DLGAP2: variants seen among roughly 807,000 people sequenced by gnomAD.
DLGAP2 encodes the protein DLG associated protein 2.
In DLGAP2, 26 loss-of-function variants were observed where a neutral mutation model predicts 100.3. The observed-to-expected ratio is 0.26, with a 90% confidence interval of 0.19 to 0.36. The LOEUF (loss-of-function observed/expected upper bound fraction) is 0.36. DLGAP2 is among the 10% of genes least tolerant of loss of function. The probability of loss-of-function intolerance (pLI) is 1.00; values close to 1 mark genes in which losing one functional copy is unlikely to be tolerated. For missense variants in DLGAP2, 1,858 were observed against 1,453.2 expected (o/e 1.28, Z -4.53); for synonymous variants, 886 against 630.1 (o/e 1.41, Z -6.08).
At chr8:946,431 T>G (rs1799324187) in intron 2 of DLGAP2, among the ~76,000 whole-genome samples, 1 of 152,132 alleles carries the variant, frequency 6.6e-6, no homozygotes, top group African/African-American at 2.4e-5. Flanking sequence ...GCCCGGCTAA[T>G]TTTTTGTAGT....
chr8:1,627,663 TTAGTGTGGAG>T (rs1797539228), intron 7 of DLGAP2, among the ~76,000 whole-genome samples: 1 of 152,262 alleles, frequency 6.6e-6, no homozygotes, highest in Non-Finnish European at 1.5e-5. Context: ...ACATTTTCTC[TTAGTGTGGAG>T]TAGGGATTAA....
chr8:1,072,787 G>A (rs113488113), intron 2 of DLGAP2, among the ~76,000 whole-genome samples: 18 of 152,318 alleles, frequency 1.2e-4, no homozygotes, highest in African/African-American at 4.1e-4. Context: ...TTTAGCCAGC[G>A]TTTGTTAGGC....
intron 3 of DLGAP2, among the ~76,000 whole-genome samples, chr8:1,441,456 G>A (rs530529773): frequency 7.9e-5 from 12 of 152,176 alleles, no homozygotes; most frequent in Non-Finnish European, 5.9e-5. Context: ...TTGGGAGGCC[G>A]AGGTGGGCAG....
chr8:1,633,145 G>C, intron 8 of DLGAP2, 99 bp downstream of exon 8: 1 of 1,137,226 alleles, frequency 8.8e-7, no homozygotes, highest in Non-Finnish European at 1.3e-6. Flanking sequence ...ACAGTACAAT[G>C]TACTCTCCTG....
At chr8:1,311,857 C>T (rs1371149750) in intron 3 of DLGAP2, among the ~76,000 whole-genome samples, 1 of 152,182 alleles carries the variant, frequency 6.6e-6, no homozygotes, top group African/African-American at 2.4e-5. Context: ...CACAGCAATC[C>T]TTAATGTATA....
At chr8:1,621,792 C>G (rs1027221422) in intron 6 of DLGAP2, 4 of 152,278 alleles carry the variant, frequency 2.6e-5, no homozygotes, top group Middle Eastern at 3.1e-3. Flanking sequence ...CCTCTGCGGT[C>G]AAGGGTATGG....
intron 8 of DLGAP2, among the ~76,000 whole-genome samples, chr8:1,651,229 C>A (rs779285899): frequency 6.6e-6 from 1 of 152,242 alleles, no homozygotes; most frequent in Non-Finnish European, 1.5e-5. Flanking sequence ...AAGAGCCACA[C>A]ACATATGTGG....
intron 8 of DLGAP2, among the ~76,000 whole-genome samples, chr8:1,664,565 C>G (rs902549867): frequency 1.3e-5 from 2 of 152,166 alleles, no homozygotes; most frequent in African/African-American, 2.4e-5. Context: ...TGAAGCTTGC[C>G]AGGCACTTTA....
chr8:1,655,846 G>C (rs1392568268), intron 8 of DLGAP2, among the ~76,000 whole-genome samples: 8 of 152,210 alleles, frequency 5.3e-5, no homozygotes, highest in Admixed American at 4.6e-4. Context: ...TCCAGACATG[G>C]CCTCTTCATG....
At chr8:981,048 G>A (rs984016728) in intron 2 of DLGAP2, among the ~76,000 whole-genome samples, 3 of 152,114 alleles carry the variant, frequency 2.0e-5, no homozygotes, top group Admixed American at 1.3e-4. Flanking sequence ...AGGCCACATA[G>A]AAACTCTATC....
At position 1,030,456 on chromosome 8, in the gene DLGAP2, A is replaced by G. The variant is rs185174631; in HGVS notation, c.73+122490A>G. Among the ~76,000 whole-genome samples, 67 of 152,306 alleles carry G rather than the reference A, an allele frequency of 4.4e-4. No homozygotes were observed. In the East Asian group the frequency reaches 0.012, roughly 28 times the overall value. ...TCCAAAGGTGCCTGGGCTGAAATGG[A>G]TGTGCAATGTGGGGTGCAAAGGTGC... On this transcript the variant is annotated intron_variant, in intron 2 of 14. Coordinates refer to ENST00000637795, the MANE Select transcript of DLGAP2 (RefSeq NM_001346810.2).
chr8:757,391 A>T (rs1328920463), intron 1 of DLGAP2, among the ~76,000 whole-genome samples: 1 of 152,192 alleles, frequency 6.6e-6, no homozygotes, highest in Non-Finnish European at 1.5e-5. Flanking sequence ...GGTTTCCTTC[A>T]TGTGTCGGCC....
At chr8:789,835 G>A (rs186003401) in intron 1 of DLGAP2, among the ~76,000 whole-genome samples, 1 of 152,214 alleles carries the variant, frequency 6.6e-6, no homozygotes, top group Non-Finnish European at 1.5e-5. Context: ...TCAGGTTAGT[G>A]TGGACCTGGA....
rs753369744 is a variant in DLGAP2, at chr8:1,565,832, G to A, written c.1380G>A (p.Ser460=). 18 of 1,613,376 alleles carry A rather than the reference G, an allele frequency of 1.1e-5. No homozygotes were observed. The highest frequency in any genetic ancestry group is 3.3e-4 in the Middle Eastern group (2 of 6,080). The change falls in exon 6 of 15, where the codon TCG becomes TCA. Residue 460 remains serine (S), a synonymous_variant. Transcript: ENST00000637795. ...CCAGCCCCAAGACATCACCAAAGTCGGCAATCCTACCAGAGCCGCTGCTGA... is the reference window on the plus strand; with the variant it reads ...CCAGCCCCAAGACATCACCAAAGTCAGCAATCCTACCAGAGCCGCTGCTGA... ...SDSSPKTSPK[S]AILPEPLLKS... is the part of the protein sequence containing the mutation.
intron 3 of DLGAP2, among the ~76,000 whole-genome samples, chr8:1,261,731 C>A (rs6987485): frequency 1.3e-5 from 2 of 152,058 alleles, no homozygotes; most frequent in African/African-American, 4.8e-5. Context: ...TTTAGTTTTC[C>A]CAAAGCACTG....
intron 2 of DLGAP2, among the ~76,000 whole-genome samples, chr8:1,006,190 A>C (rs1183400615): frequency 6.6e-6 from 1 of 152,192 alleles, no homozygotes; most frequent in African/African-American, 2.4e-5. Context: ...CACCATCTCA[A>C]AAAGAAAAGA....
At chr8:1,236,199 A>G (rs1165800630) in intron 2 of DLGAP2, among the ~76,000 whole-genome samples, 5 of 104,294 alleles carry the variant, frequency 4.8e-5, no homozygotes, top group Admixed American at 1.1e-4. Flanking sequence ...CATCGTGTCT[A>G]GTTCTCTCAC....
intron 1 of DLGAP2, among the ~76,000 whole-genome samples, chr8:905,029 C>T (rs1798347409): frequency 6.6e-6 from 1 of 152,154 alleles, no homozygotes; most frequent in Admixed American, 6.5e-5. Flanking sequence ...CACTATCCTG[C>T]CTGTGACTGT....
chr8:1,537,065 TATGTG>T (rs1398531884), intron 4 of DLGAP2, among the ~76,000 whole-genome samples: 1 of 32,424 alleles, frequency 3.1e-5, no homozygotes, highest in Non-Finnish European at 5.6e-5. Flanking sequence ...GCACCACTGG[TATGTG>T]GTATGTGGTA....
Sources: allele counts gnomAD v4.1 joint callset (sites outside exome capture counted in the v4.1 genomes callset), GRCh38; gene constraint gnomAD v4.1.1; transcripts MANE v1.5; gene names NCBI Gene and HGNC (gene_info 2026-07-23, HGNC 2026-07-21).